Variants in LRRC4C observed in about 807,000 individuals in gnomAD.
LRRC4C encodes leucine rich repeat containing 4C, also known as leucine-rich repeat-containing protein 4C.
In LRRC4C, 5 loss-of-function variants were observed where a neutral mutation model predicts 33.6. The observed-to-expected ratio is 0.15, with a 90% CI of 0.08 to 0.31. LRRC4C has a LOEUF of 0.31. Ranked by LOEUF, LRRC4C falls within the 10% of genes least tolerant of loss-of-function variation. The pLI, the probability that LRRC4C is intolerant of heterozygous loss-of-function variation, is 1.00. For synonymous variants in LRRC4C, 329 were observed against 302.0 expected, an observed-to-expected ratio of 1.09 and a Z score of -0.93; for missense variants, 560 against 796.7, an observed-to-expected ratio of 0.70 and a Z score of 3.58.
intron 2 of LRRC4C, among the ~76,000 whole-genome samples, chr11:40,714,734 C>T (rs747572761): frequency 3.9e-5 from 6 of 152,066 alleles, no homozygotes; most frequent in Non-Finnish European, 8.8e-5. Flanking sequence ...AATAAAACAT[C>T]CACCTATGAA....
intron 3 of LRRC4C, among the ~76,000 whole-genome samples, chr11:40,613,141 A>T (rs1961404091): frequency 6.6e-6 from 1 of 151,840 alleles, no homozygotes; most frequent in Non-Finnish European, 1.5e-5. Context: ...TTCTCAAAAT[A>T]GGAAAACAAA....
intron 1 of LRRC4C, among the ~76,000 whole-genome samples, chr11:41,010,263 T>C (rs1187715431): frequency 6.6e-6 from 1 of 152,190 alleles, no homozygotes; most frequent in Non-Finnish European, 1.5e-5. Flanking sequence ...AATATCCAGT[T>C]GATACTTGTT....
intron 3 of LRRC4C, among the ~76,000 whole-genome samples, chr11:40,508,240 T>C (rs1955134657): frequency 6.6e-6 from 1 of 152,068 alleles, no homozygotes; most frequent in Non-Finnish European, 1.5e-5. Context: ...TTTCCAGAAA[T>C]GGAATTGAAG....
chr11:41,306,651 G>T (rs558243580), intron 1 of LRRC4C, among the ~76,000 whole-genome samples: 1 of 152,302 alleles, frequency 6.6e-6, no homozygotes, highest in East Asian at 1.9e-4. Context: ...GTCACTGATG[G>T]TGATGAGTAA....
chr11:40,874,598 T>C (rs1225028993), intron 2 of LRRC4C, among the ~76,000 whole-genome samples: 1 of 152,176 alleles, frequency 6.6e-6, no homozygotes, highest in Non-Finnish European at 1.5e-5. Flanking sequence ...CTACCCGAAA[T>C]GCTGCAACTG....
intron 2 of LRRC4C, among the ~76,000 whole-genome samples, chr11:40,767,082 C>G (rs949642804): frequency 5.9e-5 from 9 of 151,474 alleles, no homozygotes; most frequent in African/African-American, 2.2e-4. Flanking sequence ...CTACCGAAAG[C>G]ATACTTCACC....
intron 1 of LRRC4C, among the ~76,000 whole-genome samples, chr11:41,301,951 T>G (rs1457374893): frequency 2.6e-5 from 4 of 152,212 alleles, no homozygotes; most frequent in African/African-American, 9.6e-5. Context: ...CTCTATACCA[T>G]TATTTTTATT....
At chr11:40,878,048 T>G (rs549479093) in intron 2 of LRRC4C, among the ~76,000 whole-genome samples, 30 of 152,088 alleles carry the variant, frequency 2.0e-4, no homozygotes, top group Non-Finnish European at 3.5e-4. Context: ...AGCTCTCCAG[T>G]GATGTCTGTT....
At chr11:40,668,206 C>A (rs1943917084) in intron 2 of LRRC4C, among the ~76,000 whole-genome samples, 2 of 152,104 alleles carry the variant, frequency 1.3e-5, no homozygotes, top group African/African-American at 4.8e-5. Flanking sequence ...CATTGGCATC[C>A]AAAGTTTAGT....
chr11:40,128,841 T>C (rs998020855), intron 6 of LRRC4C, among the ~76,000 whole-genome samples: 9 of 152,212 alleles, frequency 5.9e-5, no homozygotes, highest in African/African-American at 1.9e-4. Context: ...CTTTAAATTT[T>C]ACCTTCTCAG....
chr11:40,789,334 A>C (rs370309830), intron 2 of LRRC4C, among the ~76,000 whole-genome samples: 1 of 152,156 alleles, frequency 6.6e-6, no homozygotes, highest in African/African-American at 2.4e-5. Flanking sequence ...CTCTTCATTG[A>C]TAACTAGTCT....
At chr11:41,199,653 T>G in intron 1 of LRRC4C, among the ~76,000 whole-genome samples, 1 of 152,154 alleles carries the variant, frequency 6.6e-6, no homozygotes, top group East Asian at 1.9e-4. Context: ...ATTTCTTATA[T>G]TTCCCAGTGA....
At chr11:40,491,180 G>A (rs1954132879) in intron 3 of LRRC4C, among the ~76,000 whole-genome samples, 1 of 152,086 alleles carries the variant, frequency 6.6e-6, no homozygotes, top group Non-Finnish European at 1.5e-5. Context: ...AGGTACTCGG[G>A]AGGCTGAGGC....
intron 1 of LRRC4C, among the ~76,000 whole-genome samples, chr11:41,302,777 T>C (rs1320432698): frequency 6.6e-6 from 1 of 152,212 alleles, no homozygotes; most frequent in Admixed American, 6.5e-5. Context: ...TTGTTCATAA[T>C]TTAGTCTTAC....
chr11:40,178,810 C>T (rs1398099739), intron 5 of LRRC4C, among the ~76,000 whole-genome samples: 2 of 152,100 alleles, frequency 1.3e-5, no homozygotes, highest in Admixed American at 1.3e-4. Context: ...AATATCATTG[C>T]TCTTAAAGTG....
intron 3 of LRRC4C, among the ~76,000 whole-genome samples, chr11:40,539,330 T>C (rs1448098495): frequency 6.6e-6 from 1 of 152,184 alleles, no homozygotes; most frequent in Non-Finnish European, 1.5e-5. Flanking sequence ...GTAGTACCTA[T>C]ATTGATTTAT....
At chr11:40,120,867 A>C (rs1208026854) in intron 6 of LRRC4C, among the ~76,000 whole-genome samples, 1 of 152,072 alleles carries the variant, frequency 6.6e-6, no homozygotes, top group Admixed American at 6.6e-5. Context: ...CCCTGTTTGA[A>C]CCTCAGTGAC....
intron 1 of LRRC4C, among the ~76,000 whole-genome samples, chr11:41,391,681 A>T (rs943036811): frequency 6.6e-6 from 1 of 151,902 alleles, no homozygotes; most frequent in African/African-American, 2.4e-5. Context: ...GTGCAAGATC[A>T]GTCTTACAAC....
intron 4 of LRRC4C, among the ~76,000 whole-genome samples, chr11:40,266,359 G>A (rs919414736): frequency 6.6e-6 from 1 of 151,932 alleles, no homozygotes; most frequent in Non-Finnish European, 1.5e-5. Flanking sequence ...GGTGGCTTAT[G>A]TCTTTAATCC....
Sources: allele counts gnomAD v4.1 joint callset (sites outside exome capture counted in the v4.1 genomes callset), GRCh38; gene constraint gnomAD v4.1.1; transcripts MANE v1.5; gene names NCBI Gene and HGNC (gene_info 2026-07-23, HGNC 2026-07-21).